CFAP299: variants seen among roughly 807,000 people sequenced by gnomAD.
The protein encoded by CFAP299 is cilia- and flagella-associated protein 299.
A neutral mutation model predicts 27.0 loss-of-function variants in CFAP299; 21 were observed. The observed-to-expected ratio is 0.78, with a 90% CI of 0.55 to 1.12. The LOEUF (loss-of-function observed/expected upper bound fraction) is 1.12, where lower values mean the gene tolerates loss of function less well. CFAP299 is among the 50% of genes most tolerant of loss of function. The pLI is 0.00. For synonymous variants in CFAP299, 104 were observed against 98.1 expected, an observed-to-expected ratio of 1.06 and a Z score of -0.36; for missense variants, 310 against 276.6, an observed-to-expected ratio of 1.12 and a Z score of -0.86.
intron 1 of CFAP299, among the ~76,000 whole-genome samples, chr4:80,358,512 C>T (rs376053672): frequency 6.6e-6 from 1 of 152,022 alleles, no homozygotes; most frequent in Non-Finnish European, 1.5e-5. Flanking sequence ...AATCTGGGTG[C>T]GCCTGTCTTG....
At chr4:80,822,831 G>A (rs1729777384) in intron 3 of CFAP299, among the ~76,000 whole-genome samples, 1 of 152,074 alleles carries the variant, frequency 6.6e-6, no homozygotes, top group African/African-American at 2.4e-5. Context: ...AGAAAAATGA[G>A]GAATTGGCCC....
At chr4:80,649,974 T>G (rs1005440637) in intron 3 of CFAP299, among the ~76,000 whole-genome samples, 1 of 152,102 alleles carries the variant, frequency 6.6e-6, no homozygotes, top group Non-Finnish European at 1.5e-5. Flanking sequence ...AGTACCATTT[T>G]ATTTTATTTT....
intron 3 of CFAP299, among the ~76,000 whole-genome samples, chr4:80,609,010 A>T (rs1413889187): frequency 6.6e-6 from 1 of 152,042 alleles, no homozygotes; most frequent in African/African-American, 2.4e-5. Flanking sequence ...ATTTAACTTT[A>T]TTTTATTGGG....
intron 2 of CFAP299, among the ~76,000 whole-genome samples, chr4:80,483,031 A>G (rs1484502961): frequency 6.6e-6 from 1 of 152,164 alleles, no homozygotes; most frequent in Non-Finnish European, 1.5e-5. Flanking sequence ...TGTAGATGGA[A>G]ATAAGGTTAC....
At chr4:80,649,888 G>A (rs1430355840) in intron 3 of CFAP299, among the ~76,000 whole-genome samples, 1 of 151,978 alleles carries the variant, frequency 6.6e-6, no homozygotes, top group African/African-American at 2.4e-5. Flanking sequence ...TAGGTGTTAG[G>A]GAGTTTTCTT....
chr4:80,433,027 A>G (rs1326932907), intron 2 of CFAP299, among the ~76,000 whole-genome samples: 1 of 152,152 alleles, frequency 6.6e-6, no homozygotes, highest in Admixed American at 6.5e-5. Flanking sequence ...GAGAACAAAG[A>G]TTTACTCTCA....
chr4:80,390,613 A>G lies in CFAP299; in HGVS notation c.242+27729A>G, dbSNP rs188363731. ...TATATGTATATATGTATACACACATATGTATATATGTATATATGTATACAC... is the reference window on the plus strand; with the variant it reads ...TATATGTATATATGTATACACACATGTGTATATATGTATATATGTATACAC... On this transcript the variant is annotated intron_variant, in intron 2 of 5. Coordinates refer to ENST00000358105, the MANE Select transcript of CFAP299 (RefSeq NM_152770.3). 3.1e-3 allele frequency among the ~76,000 whole-genome samples: 395 copies of G among 127,244 alleles called. 7 individuals are homozygous for G. The highest frequency in any genetic ancestry group is 0.013 in the African/African-American group (377 of 28,316). 83.5% of individuals were successfully genotyped at this position (127,244 alleles called of 152,430 possible).
chr4:80,550,559 G>A (rs1360623543), intron 2 of CFAP299, among the ~76,000 whole-genome samples: 1 of 151,644 alleles, frequency 6.6e-6, no homozygotes, highest in Non-Finnish European at 1.5e-5. Flanking sequence ...ATTATAAGTG[G>A]GTTTTAGTTT....
chr4:80,780,251 C>G (rs1220874742), intron 3 of CFAP299, among the ~76,000 whole-genome samples: 2 of 152,066 alleles, frequency 1.3e-5, no homozygotes, highest in Non-Finnish European at 2.9e-5. Flanking sequence ...TCTTTAGCTG[C>G]TATTGCCTCA....
At chr4:80,826,324 G>T (rs756175384) in intron 3 of CFAP299, among the ~76,000 whole-genome samples, 3 of 151,384 alleles carry the variant, frequency 2.0e-5, no homozygotes, top group Non-Finnish European at 4.4e-5. Flanking sequence ...ATCTTAAAAG[G>T]CTTATAGACA....
intron 2 of CFAP299, among the ~76,000 whole-genome samples, chr4:80,514,177 A>T (rs1407661454): frequency 6.6e-6 from 1 of 152,076 alleles, no homozygotes; most frequent in African/African-American, 2.4e-5. Context: ...ACTAACATCA[A>T]TTCAAAAAAT....
intron 3 of CFAP299, among the ~76,000 whole-genome samples, chr4:80,844,058 C>T (rs1351822427): frequency 6.6e-6 from 1 of 152,106 alleles, no homozygotes; most frequent in Non-Finnish European, 1.5e-5. Context: ...CCAGCTTCAT[C>T]CATGTCTCTA....
At chr4:80,783,582 T>C (rs776423997) in intron 3 of CFAP299, among the ~76,000 whole-genome samples, 1 of 152,190 alleles carries the variant, frequency 6.6e-6, no homozygotes, top group Non-Finnish European at 1.5e-5. Context: ...AATTCTGAAA[T>C]AGGTCTTTGT....
intron 3 of CFAP299, among the ~76,000 whole-genome samples, chr4:80,586,237 A>C (rs1332821480): frequency 6.6e-6 from 1 of 152,052 alleles, no homozygotes; most frequent in African/African-American, 2.4e-5. Flanking sequence ...TGTATGATAC[A>C]TGACAACTAT....
chr4:80,598,409 T>C (rs1257267537), intron 3 of CFAP299, among the ~76,000 whole-genome samples: 1 of 152,240 alleles, frequency 6.6e-6, no homozygotes, highest in Non-Finnish European at 1.5e-5. Flanking sequence ...TTCAATGTTA[T>C]AGCAAACCAA....
intron 3 of CFAP299, among the ~76,000 whole-genome samples, chr4:80,699,857 A>G (rs891325796): frequency 2.0e-5 from 3 of 152,200 alleles, no homozygotes; most frequent in Non-Finnish European, 2.9e-5. Flanking sequence ...CAATGGCTGT[A>G]TCATTCAGCT....
At chr4:80,619,978 A>G (rs1414095477) in intron 3 of CFAP299, among the ~76,000 whole-genome samples, 1 of 152,122 alleles carries the variant, frequency 6.6e-6, no homozygotes, top group Admixed American at 6.6e-5. Flanking sequence ...AATGAAAAAT[A>G]CCATCAATAA....
intron 3 of CFAP299, among the ~76,000 whole-genome samples, chr4:80,693,809 T>C (rs1228553333): frequency 6.6e-6 from 1 of 151,614 alleles, no homozygotes; most frequent in East Asian, 1.9e-4. Flanking sequence ...CTCCAGTATA[T>C]AATTTGAATA....
intron 2 of CFAP299, among the ~76,000 whole-genome samples, chr4:80,429,431 T>G (rs993552787): frequency 6.6e-6 from 1 of 152,174 alleles, no homozygotes; most frequent in African/African-American, 2.4e-5. Flanking sequence ...CCAGAAATGT[T>G]TCTCCTTTAA....
Sources: allele counts gnomAD v4.1 joint callset (sites outside exome capture counted in the v4.1 genomes callset), GRCh38; gene constraint gnomAD v4.1.1; transcripts MANE v1.5; gene names NCBI Gene and HGNC (gene_info 2026-07-23, HGNC 2026-07-21).